The following SKI variants were observed in gnomAD, a reference collection of about 807,000 sequenced individuals.
The protein encoded by SKI is ski oncogene.
A neutral mutation model predicts 59.3 loss-of-function variants in SKI; 23 were observed. The observed-to-expected ratio is 0.39, with a 90% CI of 0.28 to 0.55. The LOEUF is 0.55. Ranked by LOEUF, SKI falls within the 20% of genes least tolerant of loss-of-function variation. SKI has a pLI of 0.67. For missense variants in SKI, 1,017 were observed against 1,038.9 expected, an observed-to-expected ratio of 0.98 and a Z score of 0.29; for synonymous variants, 673 against 488.6, an observed-to-expected ratio of 1.38 and a Z score of -4.98.
At chr1:2,290,844 G>T (rs1278180872) in intron 1 of SKI, among the ~76,000 whole-genome samples, 1 of 152,234 alleles carries the variant, frequency 6.6e-6, no homozygotes, top group Non-Finnish European at 1.5e-5. Context: ...AATTGAGTCC[G>T]ATTCTTGGTG....
chr1:2,233,802 T>C (rs1428627787), intron 1 of SKI, among the ~76,000 whole-genome samples: 1 of 152,082 alleles, frequency 6.6e-6, no homozygotes, highest in Non-Finnish European at 1.5e-5. Flanking sequence ...TGTGTTTTGC[T>C]CTTTGCTGTT....
chr1:2,309,827 C>G lies in SKI; in HGVS notation c.*3062C>G, dbSNP rs1322640169. The G allele has an allele frequency of 1.9e-5, 1 of 53,662 alleles. No individual in the cohort carries two copies. The highest frequency in any genetic ancestry group is 1.6e-4 in the Admixed American group (1 of 6,440). 3.3% of individuals were successfully genotyped at this position (53,662 alleles called of 1,614,324 possible). On this transcript the variant is annotated 3_prime_UTR_variant, in exon 7 of 7. Transcript: ENST00000378536. The stretch of plus-strand genomic sequence containing the variant: ...TGTGGGTCCGAACCCCGGCCCCCCC[C>G]CCACCCCCTCCTCCCTGTGGGTCCG...
chr1:2,267,641 G>A lies in SKI; in HGVS notation c.970-35337G>A, dbSNP rs531593102. On this transcript the variant is annotated intron_variant, in intron 1 of 6. Coordinates refer to ENST00000378536, the MANE Select transcript of SKI (RefSeq NM_003036.4). This position sits in a 1 kb window ranked among gnomAD's most constrained non-coding sequence, Gnocchi z 4.1. ...ATCGGAAGCTGGGCAGTGGCCAGAG[G>A]CCTGGGAAAGGCTTGTTGTGGGGGC... Among the ~76,000 whole-genome samples the A allele has an allele frequency of 2.0e-4, 30 of 152,296 alleles. No individual in the cohort carries two copies. The East Asian group carries it at 4.3e-3, about 22-fold the overall frequency.
Position 2,228,716 on chromosome 1 carries a change from G to T in SKI, c.-51G>T. 1 of 996,684 alleles carries T rather than the reference G, an allele frequency of 1.0e-6. No homozygotes were observed. The highest frequency in any genetic ancestry group is 1.0e-4 in the East Asian group (1 of 10,004). The allele number at this position is 996,684 out of a possible 1,614,324, so 61.7% of individuals were successfully genotyped here. A position where few individuals can be genotyped will look rare whatever the true frequency, so the allele number is the denominator to read the frequency against. ...CGCGCGGGGCGGCGGCGGGGGCCGGGGGGGCCCGGGCGCGCGGGAGCGGGA... is the reference window on the plus strand; with the variant it reads ...CGCGCGGGGCGGCGGCGGGGGCCGGTGGGGCCCGGGCGCGCGGGAGCGGGA... On this transcript the variant is annotated 5_prime_UTR_variant, in exon 1 of 7. Coordinates refer to ENST00000378536, the MANE Select transcript of SKI (RefSeq NM_003036.4).
At chr1:2,299,132 CGCCGAGTG>C (rs1045054070) in intron 1 of SKI, among the ~76,000 whole-genome samples, 1 of 152,252 alleles carries the variant, frequency 6.6e-6, no homozygotes, top group Non-Finnish European at 1.5e-5. Context: ...CGACCGTCAG[CGCCGAGTG>C]GCCAGCAGGG....
chr1:2,274,194 C>T (rs962414187), intron 1 of SKI, among the ~76,000 whole-genome samples: 1 of 152,208 alleles, frequency 6.6e-6, no homozygotes, highest in East Asian at 1.9e-4. Flanking sequence ...TTGAGGAGCT[C>T]TGCTCATGTG....
At chr1:2,254,356 G>A (rs1639229501) in intron 1 of SKI, among the ~76,000 whole-genome samples, 3 of 152,208 alleles carry the variant, frequency 2.0e-5, no homozygotes, top group African/African-American at 7.2e-5. Context: ...GTCACAGGGT[G>A]CTTGGGGGAC....
intron 1 of SKI, among the ~76,000 whole-genome samples, chr1:2,255,945 C>G (rs899032541): frequency 4.0e-5 from 6 of 149,632 alleles, no homozygotes; most frequent in African/African-American, 1.2e-4. Context: ...CTGTGTCACT[C>G]TGTCCTGACC....
chr1:2,262,079 G>A (rs1639399741), intron 1 of SKI, among the ~76,000 whole-genome samples: 1 of 131,934 alleles, frequency 7.6e-6, no homozygotes, highest in East Asian at 3.3e-4. Flanking sequence ...TTGGGTGGGA[G>A]TGGTGGGAGT....
At chr1:2,302,235 CT>C (rs1222652774) in intron 1 of SKI, among the ~76,000 whole-genome samples, 1 of 152,112 alleles carries the variant, frequency 6.6e-6, no homozygotes, top group African/African-American at 2.4e-5. Context: ...GGACCTGGTT[CT>C]GGGTGGGCTG....
chr1:2,234,247 C>T (rs1349266458), intron 1 of SKI, among the ~76,000 whole-genome samples: 1 of 152,166 alleles, frequency 6.6e-6, no homozygotes, highest in African/African-American at 2.4e-5. Flanking sequence ...CTGGGGAGGG[C>T]ATGGGCAGCT....
chr1:2,235,232 T>G (rs183794), intron 1 of SKI, among the ~76,000 whole-genome samples: 1 of 152,166 alleles, frequency 6.6e-6, no homozygotes, highest in Admixed American at 6.5e-5. Context: ...TTAGTAGAGA[T>G]GGGGTTTCAC....
intron 1 of SKI, among the ~76,000 whole-genome samples, chr1:2,298,493 G>T (rs1441620377): frequency 6.6e-6 from 1 of 152,180 alleles, no homozygotes; most frequent in East Asian, 1.9e-4. Flanking sequence ...CCCCGGGCCG[G>T]ATGGCTTTCT....
rs757121499 is a variant in SKI, at chr1:2,229,351, C to T, written c.585C>T (p.Tyr195=). 3.1e-6 allele frequency: 5 copies of T among 1,596,090 alleles called. No homozygotes were observed. The highest frequency in any genetic ancestry group is 1.1e-5 in the South Asian group (1 of 89,494). ...LCNALLYGGA[Y]PPPCKKELAA... ...ACGCGCTGCTCTACGGCGGCGCCTA[C>T]CCGCCGCCCTGCAAGAAGGAGCTGG... The change falls in exon 1 of 7, where the codon TAC becomes TAT. Residue 195 remains tyrosine (Y), a synonymous_variant. Transcript: ENST00000378536. The surrounding 1 kb of genome is among the most constrained non-coding windows in gnomAD (Gnocchi z 6.3).
chr1:2,229,579 C>G lies in SKI; in HGVS notation c.813C>G (p.Thr271=), dbSNP rs1385313100. 2 of 1,612,104 alleles carry G rather than the reference C, an allele frequency of 1.2e-6. No homozygotes were observed. Among genetic ancestry groups the G allele is most frequent in the African/African-American group, 2.7e-5 (2 of 74,954 alleles). The change falls in exon 1 of 7, where the codon ACC becomes ACG. Residue 271 remains threonine (T), a synonymous_variant. Coordinates refer to ENST00000378536, the MANE Select transcript of SKI (RefSeq NM_003036.4). The surrounding 1 kb of genome is among the most constrained non-coding windows in gnomAD (Gnocchi z 6.3). ...VHSHKALENR[T]CHWGFDSANW... ...CGCACAAGGCCCTGGAGAACCGGACCTGCCACTGGGGCTTCGACTCGGCCA... is the reference window on the plus strand; with the variant it reads ...CGCACAAGGCCCTGGAGAACCGGACGTGCCACTGGGGCTTCGACTCGGCCA...
intron 1 of SKI, among the ~76,000 whole-genome samples, chr1:2,288,993 T>C (rs1393130770): frequency 6.6e-6 from 1 of 152,200 alleles, no homozygotes; most frequent in Non-Finnish European, 1.5e-5. Flanking sequence ...CGGTGCCGCC[T>C]GGTTTTCCCG....
chr1:2,276,839 T>A (rs1325134889), intron 1 of SKI, among the ~76,000 whole-genome samples: 3 of 152,174 alleles, frequency 2.0e-5, no homozygotes, highest in African/African-American at 7.2e-5. Flanking sequence ...GTTCCTGACA[T>A]GTTCAGGAAC....
chr1:2,263,711 G>A lies in SKI; in HGVS notation c.969+33976G>A, dbSNP rs555800650. Among the ~76,000 whole-genome samples the A allele has an allele frequency of 8.4e-4, 128 of 151,626 alleles. 5 individuals carry two copies. In the South Asian group the frequency reaches 0.025, roughly 30 times the overall value. Reference sequence around the variant, plus strand: ...TTTTTTCTTTTAAAAATGTTTGGTGGGGGGACTGGGCGCGGTGGCTCATGC... The same window carrying A: ...TTTTTTCTTTTAAAAATGTTTGGTGAGGGGACTGGGCGCGGTGGCTCATGC... On this transcript the variant is annotated intron_variant, in intron 1 of 6. Coordinates refer to ENST00000378536, the MANE Select transcript of SKI (RefSeq NM_003036.4).
chr1:2,240,383 C>A, intron 1 of SKI: 1 of 625,494 alleles, frequency 1.6e-6, no homozygotes, highest in Non-Finnish European at 2.0e-6. Context: ...GTGGGCCAGG[C>A]AGGTCTGGCT....
Sources: allele counts gnomAD v4.1 joint callset (sites outside exome capture counted in the v4.1 genomes callset), GRCh38; gene constraint gnomAD v4.1.1; non-coding constraint Gnocchi (gnomAD v3.1); transcripts MANE v1.5; gene names NCBI Gene and HGNC (gene_info 2026-07-23, HGNC 2026-07-21).